DRICH1: variants seen among roughly 807,000 people sequenced by gnomAD.
DRICH1 encodes the protein aspartate-rich protein 1.
A neutral mutation model predicts 39.5 loss-of-function variants in DRICH1; 38 were observed. The ratio of observed to expected loss-of-function variants is 0.96; its 90% confidence interval spans 0.74 to 1.26. DRICH1 has a LOEUF of 1.26. DRICH1 is among the 50% of genes most tolerant of loss of function. The probability of loss-of-function intolerance (pLI) is 0.00; values close to 1 mark genes in which losing one functional copy is unlikely to be tolerated. For missense variants in DRICH1, 279 were observed against 270.4 expected, an observed-to-expected ratio of 1.03 and a Z score of -0.22; for synonymous variants, 84 against 99.5, an observed-to-expected ratio of 0.84 and a Z score of 0.93.
the DRICH1 span, among the ~76,000 whole-genome samples, chr22:23,585,920 T>A: frequency 6.6e-6 from 1 of 152,262 alleles, no homozygotes; most frequent in Admixed American, 6.5e-5. Flanking sequence ...AGACTTGTTT[T>A]GTAACTCAAT....
At chr22:23,596,907 C>A in the DRICH1 span, among the ~76,000 whole-genome samples, 1 of 151,518 alleles carries the variant, frequency 6.6e-6, no homozygotes, top group African/African-American at 2.4e-5. Flanking sequence ...CTTTATTGAT[C>A]TTCTGTCTCA....
chr22:23,613,570 A>T, intron 10 of DRICH1, 69 bp downstream of exon 10: 9 of 1,238,618 alleles, frequency 7.3e-6, no homozygotes, highest in Non-Finnish European at 1.2e-6. Flanking sequence ...GGACCCCAGA[A>T]TCAGGTTTCT....
downstream of DRICH1, among the ~76,000 whole-genome samples, chr22:23,605,286 G>A (rs555116458): frequency 3.3e-5 from 5 of 152,264 alleles, no homozygotes; most frequent in Admixed American, 6.5e-5. Flanking sequence ...GAGAGGGGCC[G>A]CACCATGTCC....
chr22:23,612,470 AAAAAAAAAAAAG>A (rs1372974924), intron 11 of DRICH1, among the ~76,000 whole-genome samples: 7,427 of 149,052 alleles, frequency 0.05, 294 homozygotes, highest in Non-Finnish European at 0.079. Flanking sequence ...CCATCTCAAA[AAAAAAAAAAAAG>A]AAAAAAAAAA....
At chr22:23,629,308 G>A (rs1928256253) in intron 1 of DRICH1, among the ~76,000 whole-genome samples, 1 of 152,110 alleles carries the variant, frequency 6.6e-6, no homozygotes, top group Admixed American at 6.5e-5. Context: ...CAAAGTGCTG[G>A]GATTACAGGC....
chr22:23,581,675 C>G, the DRICH1 span: 11 of 145,544 alleles, frequency 7.6e-5, no homozygotes, highest in African/African-American at 2.8e-4. Flanking sequence ...GGCGTGATCT[C>G]AGCTCACTGA....
At chr22:23,621,957 CAAAGAAAGG>C (rs1173111796) in intron 4 of DRICH1, 125 bp downstream of exon 4, 13 of 839,366 alleles carry the variant, frequency 1.5e-5, no homozygotes, top group Middle Eastern at 4.5e-4. Flanking sequence ...AAAAAAGAAA[CAAAGAAAGG>C]AAAGAAAATC....
the DRICH1 span, among the ~76,000 whole-genome samples, chr22:23,582,802 C>T: frequency 6.6e-6 from 1 of 152,092 alleles, no homozygotes; most frequent in South Asian, 2.1e-4. Flanking sequence ...CTCAGGCGAT[C>T]AGCCCACCTC....
At chr22:23,582,753 G>T in the DRICH1 span, among the ~76,000 whole-genome samples, 1 of 151,880 alleles carries the variant, frequency 6.6e-6, no homozygotes, top group African/African-American at 2.4e-5. Flanking sequence ...TAGAGACGGG[G>T]TTTCACCATG....
At chr22:23,600,774 A>G in the DRICH1 span, among the ~76,000 whole-genome samples, 1 of 150,090 alleles carries the variant, frequency 6.7e-6, no homozygotes, top group African/African-American at 2.5e-5. Flanking sequence ...CCGGGTTCAC[A>G]CCATTCTCCT....
At chr22:23,581,150 T>A in the DRICH1 span, 1 of 152,158 alleles carries the variant, frequency 6.6e-6, no homozygotes. Flanking sequence ...TACAATACAG[T>A]TTTTAACTGT....
intron 11 of DRICH1, among the ~76,000 whole-genome samples, chr22:23,609,240 A>G (rs1926900163): frequency 6.6e-6 from 1 of 152,224 alleles, no homozygotes; most frequent in Non-Finnish European, 1.5e-5. Context: ...CCAGCTCTAC[A>G]CTGACTGTTT....
chr22:23,592,601 G>C, the DRICH1 span, among the ~76,000 whole-genome samples: 1 of 152,104 alleles, frequency 6.6e-6, no homozygotes, highest in African/African-American at 2.4e-5. Flanking sequence ...ACCCCTCCAG[G>C]GCCCAGTCTG....
intron 11 of DRICH1, 132 bp downstream of exon 11, chr22:23,613,157 C>T: frequency 1.4e-6 from 1 of 727,164 alleles, no homozygotes; most frequent in Non-Finnish European, 2.5e-6. Context: ...CAAGCCAGAC[C>T]TCACACATAT....
chr22:23,581,632 G>A, the DRICH1 span: 6 of 131,596 alleles, frequency 4.6e-5, no homozygotes, highest in Non-Finnish European at 7.9e-5. Context: ...TTTTTTGAGA[G>A]TCTTGCTGTG....
intron 5 of DRICH1, 77 bp downstream of exon 5, chr22:23,620,517 G>T: frequency 2.0e-6 from 3 of 1,498,690 alleles, no homozygotes; most frequent in Admixed American, 1.7e-5. Context: ...TTTTTAACAG[G>T]AACCCAGATT....
chr22:23,613,283 C>T lies in DRICH1; in HGVS notation c.685+6G>A. On this transcript the variant is annotated splice_donor_region_variant and intron_variant, in intron 11 of 11. Transcript: ENST00000317749. ...ATTGGGTTTTTGCTGGCACGTAGTTCCCTACCTGGATGAATCTCTTCATCA... is the reference window on the plus strand; with the variant it reads ...ATTGGGTTTTTGCTGGCACGTAGTTTCCTACCTGGATGAATCTCTTCATCA... 1.9e-6 allele frequency: 3 copies of T among 1,611,748 alleles called. No homozygotes were observed. The highest frequency in any genetic ancestry group is 2.5e-6 in the Non-Finnish European group (3 of 1,178,720).
intron 1 of DRICH1, among the ~76,000 whole-genome samples, chr22:23,627,507 A>G (rs566927122): frequency 3.4e-3 from 514 of 152,302 alleles, no homozygotes; most frequent in Middle Eastern, 0.027. Flanking sequence ...GTTTTCTTGC[A>G]AAATAGTTTG....
rs1927176907 is a variant in DRICH1 at position 23,613,672 on chromosome 22, T to C, written c.622-12A>G. ...ATCCGAGCTGTTATCTGCAATTATA[T>C]AAAAGAAAACATTATGAAAATCAGA... is the stretch of plus-strand genomic sequence containing the variant. On this transcript the variant is annotated splice_polypyrimidine_tract_variant and intron_variant, in intron 9 of 11. Transcript: ENST00000317749. 6.3e-7 allele frequency: 1 copy of C among 1,585,594 alleles called. No individual in the cohort carries two copies. The highest frequency in any genetic ancestry group is 8.7e-7 in the Non-Finnish European group (1 of 1,155,594).
Sources: allele counts gnomAD v4.1 joint callset (sites outside exome capture counted in the v4.1 genomes callset), GRCh38; gene constraint gnomAD v4.1.1; transcripts MANE v1.5; gene names NCBI Gene and HGNC (gene_info 2026-07-23, HGNC 2026-07-21).